CEP78: variants seen among roughly 807,000 people sequenced by gnomAD.
CEP78 encodes centrosomal protein of 78 kDa.
CEP78 carries 76 observed loss-of-function variants against 81.2 expected under a neutral mutation model. That is an observed-to-expected ratio of 0.94 (90% CI 0.78 to 1.13). CEP78 has a LOEUF of 1.13. Among genes scored for constraint, CEP78 ranks in the 50% most tolerant of loss-of-function variants. CEP78 has a pLI of 0.00. For missense variants in CEP78, 918 were observed against 846.8 expected (o/e 1.08, Z -1.04); for synonymous variants, 293 against 301.4 (o/e 0.97, Z 0.29).
In CEP78 at chr9:78,251,958, A is replaced by G; in HGVS notation, c.1120A>G (p.Lys374Glu). The G allele has an allele frequency of 6.2e-7, 1 of 1,608,932 alleles. No individual in the cohort carries two copies. The highest frequency in any genetic ancestry group is 8.5e-7 in the Non-Finnish European group (1 of 1,176,494). The change falls in exon 9 of 17, where the codon AAA becomes GAA. Residue 374 changes from lysine (K) to glutamate (E), a missense_variant. By Grantham distance (56) the Lys-to-Glu change is moderately conservative. Transcript: ENST00000643273. ...VSSGRKHSLG[K>E]EYYAPAPLPP... is the part of the protein sequence containing the mutation. ...TAGTGGCAGAAAACACTCCCTTGGT[A>G]AAGAATATTATGCGCCCGCACCTCT...
chr9:78,236,653 T>C, intron 1 of CEP78, 50 bp downstream of exon 1: 2 of 1,508,758 alleles, frequency 1.3e-6, no homozygotes, highest in Non-Finnish European at 1.8e-6. Flanking sequence ...GCGAAGTGGG[T>C]TTTTAGGTGA....
intron 10 of CEP78, 109 bp from the exon 11 acceptor site, chr9:78,254,727 C>A: frequency 2.6e-6 from 2 of 777,430 alleles, no homozygotes; most frequent in Admixed American, 2.7e-5. Flanking sequence ...TAGTGATAGA[C>A]ATTTATAGAG....
chr9:78,260,194 T>C (rs1320060435), intron 11 of CEP78, among the ~76,000 whole-genome samples: 2 of 152,242 alleles, frequency 1.3e-5, no homozygotes, highest in East Asian at 3.9e-4. Flanking sequence ...GATGTAAGTA[T>C]TGCAGAGCCT....
At chr9:78,255,146 TC>T in intron 11 of CEP78, among the ~76,000 whole-genome samples, 182 bp downstream of exon 11, 1 of 152,164 alleles carries the variant, frequency 6.6e-6, no homozygotes, top group East Asian at 1.9e-4. Context: ...ACGTCTGCAC[TC>T]TAAGAAATAA....
chr9:78,247,222 G>T (rs975814590), intron 6 of CEP78, among the ~76,000 whole-genome samples: 30 of 152,202 alleles, frequency 2.0e-4, no homozygotes, highest in Middle Eastern at 3.2e-3. Flanking sequence ...ATGTAATTTA[G>T]ATAGTAGGAA....
intron 11 of CEP78, 67 bp downstream of exon 11, chr9:78,255,031 G>A (rs1826954770): frequency 1.4e-6 from 2 of 1,384,406 alleles, no homozygotes; most frequent in East Asian, 4.9e-5. Flanking sequence ...TTTGGTGAAA[G>A]CTTGATTATG....
At chr9:78,253,324 G>A (rs1386085434) in intron 10 of CEP78, 47 bp downstream of exon 10, 3 of 844,736 alleles carry the variant, frequency 3.6e-6, no homozygotes, top group Non-Finnish European at 6.0e-6. Context: ...GGAATGGGAA[G>A]GGTGGAAGAT....
chr9:78,252,072 G>T, intron 9 of CEP78, 29 bp downstream of exon 9: 1 of 1,529,750 alleles, frequency 6.5e-7, no homozygotes, highest in Non-Finnish European at 8.9e-7. Context: ...CTATCTTTTA[G>T]GATAAAAATG....
chr9:78,258,187 A>G (rs936724497), intron 11 of CEP78, among the ~76,000 whole-genome samples: 9 of 152,284 alleles, frequency 5.9e-5, no homozygotes, highest in African/African-American at 1.4e-4. Context: ...TATTAGTCCT[A>G]CTTTTCAGAA....
chr9:78,255,108 T>TAAGATAAAGAACCA, intron 11 of CEP78, 144 bp downstream of exon 11: 1 of 546,436 alleles, frequency 1.8e-6, no homozygotes, highest in Non-Finnish European at 3.1e-6. Context: ...TGAATGGTTC[T>TAAGATAAAGAACCA]TTATCTTAGA....
At chr9:78,252,145 G>T in intron 9 of CEP78, 102 bp downstream of exon 9, 1 of 1,042,144 alleles carries the variant, frequency 9.6e-7, no homozygotes. Context: ...ATGTCTGTAG[G>T]GTAAAAATGA....
Position 78,274,145 on chromosome 9 carries a change from G to A in CEP78, c.*3294G>A, listed in dbSNP as rs1368037548. 1 of 152,246 alleles carries A rather than the reference G, an allele frequency of 6.6e-6. No homozygotes were observed. Among genetic ancestry groups the A allele is most frequent in the African/African-American group, 2.4e-5 (1 of 41,466 alleles). The allele number at this position is 152,246 out of a possible 1,614,324, so 9.4% of individuals were successfully genotyped here. A position where few individuals can be genotyped will look rare whatever the true frequency, so the allele number is the denominator to read the frequency against. ...ATGTCTTCCAACAGGTGAATGGATA[G>A]CGATGTATCCATATGGTGGCAAACA... On this transcript the variant is annotated 3_prime_UTR_variant, in exon 17 of 17. Transcript: ENST00000643273.
intron 1 of CEP78, among the ~76,000 whole-genome samples, chr9:78,237,955 C>CAAAAAAAAAA (rs557546978): frequency 2.3e-4 from 24 of 106,028 alleles, no homozygotes; most frequent in Non-Finnish European, 3.1e-4. Context: ...ACTAAAAATA[C>CAAAAAAAAAA]AAAAAAAAAA....
At chr9:78,249,808 T>C (rs1425514728) in intron 8 of CEP78, 1 of 152,616 alleles carries the variant, frequency 6.6e-6, no homozygotes, top group Non-Finnish European at 1.5e-5. Flanking sequence ...TTTGAAACAG[T>C]AAAACCATGA....
chr9:78,244,050 T>C (rs979086125), intron 5 of CEP78, among the ~76,000 whole-genome samples: 7 of 152,008 alleles, frequency 4.6e-5, no homozygotes, highest in Non-Finnish European at 1.0e-4. Flanking sequence ...CTATTTGATA[T>C]TTAGGCAGTT....
At chr9:78,240,488 G>T in intron 3 of CEP78, 124 bp downstream of exon 3, 1 of 808,936 alleles carries the variant, frequency 1.2e-6, no homozygotes, top group South Asian at 1.6e-5. Flanking sequence ...TCAAACCTTG[G>T]TCCAGTCTCA....
At chr9:78,250,021 A>G (rs1265247848) in intron 8 of CEP78, 1 of 341,808 alleles carries the variant, frequency 2.9e-6, no homozygotes, top group Non-Finnish European at 5.2e-6. Context: ...ACACTTAAAA[A>G]TGGCTAAGAT....
rs1164740482 is a variant in CEP78 at position 78,274,283 on chromosome 9, A to C, written c.*3432A>C. The C allele has an allele frequency of 1.3e-5, 2 of 152,152 alleles. No homozygotes were observed. The highest frequency in any genetic ancestry group is 4.8e-5 in the African/African-American group (2 of 41,402). 9.4% of individuals were successfully genotyped at this position (152,152 alleles called of 1,614,324 possible). On this transcript the variant is annotated 3_prime_UTR_variant, in exon 17 of 17. Transcript: ENST00000643273. ...GGCATTCTTGAAAAGACAAAACTAT[A>C]GTGACAGAACAGATTGGAGATTGCC...
rs947396224 is a variant in CEP78, at chr9:78,254,962, C to T, written c.1378C>T (p.Gln460Ter). 1.2e-6 allele frequency: 2 copies of T among 1,607,332 alleles called. No homozygotes were observed. Among genetic ancestry groups the T allele is most frequent in the South Asian group, 1.1e-5 (1 of 90,428 alleles). The stretch of plus-strand genomic sequence containing the variant: ...AACTAGTATAGAACAAGAAGCATTA[C>T]AGGTACAAAGCTATCACTTTAAAGA... The part of the protein sequence containing the change: ...EKTSIEQEAL[Q>*]EKLEECLKQL... Residue 460 changes from glutamine (Q) to a stop codon, truncating the protein, a stop_gained and splice_region_variant, in exon 11 of 17, where the codon CAG becomes TAG. Transcript: ENST00000643273. LOFTEE classifies it high-confidence loss of function.
Sources: allele counts gnomAD v4.1 joint callset (sites outside exome capture counted in the v4.1 genomes callset), GRCh38; gene constraint gnomAD v4.1.1; transcripts MANE v1.5; gene names NCBI Gene and HGNC (gene_info 2026-07-23, HGNC 2026-07-21).